The following DZIP1L variants were observed in gnomAD, a reference collection of about 807,000 sequenced individuals.
DZIP1L encodes DAZ interacting zinc finger protein 1 like, also known as cilium assembly protein DZIP1L.
A neutral mutation model predicts 88.7 loss-of-function variants in DZIP1L; 90 were observed. The ratio of observed to expected loss-of-function variants is 1.02; its 90% CI spans 0.86 to 1.21. The LOEUF is 1.21. DZIP1L is among the 50% of genes most tolerant of loss of function. DZIP1L has a pLI of 0.00. For missense variants in DZIP1L, 932 were observed against 955.8 expected, an observed-to-expected ratio of 0.98 and a Z score of 0.33; for synonymous variants, 363 against 372.1, an observed-to-expected ratio of 0.98 and a Z score of 0.28.
At chr3:138,095,444 CTG>C (rs1385548483) in intron 3 of DZIP1L, among the ~76,000 whole-genome samples, 1 of 21,798 alleles carries the variant, frequency 4.6e-5, no homozygotes, top group African/African-American at 9.6e-5. Context: ...TAATAAAAAT[CTG>C]TAGTTTTAAG....
Position 138,067,676 on chromosome 3 carries a change from C to T in DZIP1L, c.1857G>A (p.Glu619=), listed in dbSNP as rs754211380. 1.9e-6 allele frequency: 3 copies of T among 1,593,394 alleles called. No homozygotes were observed. Among genetic ancestry groups the T allele is most frequent in the Non-Finnish European group, 2.6e-6 (3 of 1,170,536 alleles). Residue 619 remains glutamate (E), a synonymous_variant, in exon 14 of 16, where the codon GAG becomes GAA. Coordinates refer to ENST00000327532, the MANE Select transcript of DZIP1L (RefSeq NM_173543.3). The stretch of plus-strand genomic sequence containing the variant: ...GCTGCACACGGTCTCCCTCTGAGTC[C>T]TCTTCAGAACTGAACGGGGGCGTGC... ...GMSTPPFSSE[E]DSEGDRVQRV...
intron 14 of DZIP1L, among the ~76,000 whole-genome samples, chr3:138,065,248 C>T (rs1433156376): frequency 6.6e-6 from 1 of 152,190 alleles, no homozygotes; most frequent in Non-Finnish European, 1.5e-5. Flanking sequence ...ATCCCTGATG[C>T]CTGGCACACC....
chr3:138,068,362 T>G lies in DZIP1L; in HGVS notation c.1621A>C (p.Ser541Arg), dbSNP rs760762911. 2 of 1,500,550 alleles carry G rather than the reference T, an allele frequency of 1.3e-6. No individual in the cohort carries two copies. Among genetic ancestry groups the G allele is most frequent in the South Asian group, 2.7e-5 (2 of 75,196 alleles). 93.0% of individuals were successfully genotyped at this position (1,500,550 alleles called of 1,614,324 possible). Residue 541 changes from serine to arginine, a missense_variant, in exon 13 of 16, where the codon AGC becomes CGC. Coordinates refer to ENST00000327532, the MANE Select transcript of DZIP1L (RefSeq NM_173543.3). ...CTGGTGACCAGTGTGCTCTGCTGGC[T>G]TTTGACTGGAAACACAGAAAGGAAT... is the stretch of plus-strand genomic sequence containing the variant. ...SQPDGQPSVK[S>R]QQSTLVTREA...
At chr3:138,087,508 A>G (rs1208232780) in intron 6 of DZIP1L, among the ~76,000 whole-genome samples, 1 of 152,252 alleles carries the variant, frequency 6.6e-6, no homozygotes, top group Non-Finnish European at 1.5e-5. Flanking sequence ...GAAAATAACC[A>G]CAACTAGAAC....
intron 1 of DZIP1L, among the ~76,000 whole-genome samples, chr3:138,109,018 G>A (rs1433317675): frequency 1.3e-5 from 2 of 152,196 alleles, no homozygotes; most frequent in African/African-American, 2.4e-5. Context: ...TGGCAAACCT[G>A]AGAGTGCAGG....
chr3:138,106,909 A>G (rs1306835486), intron 1 of DZIP1L, among the ~76,000 whole-genome samples: 1 of 151,328 alleles, frequency 6.6e-6, no homozygotes, highest in African/African-American at 2.4e-5. Context: ...AAGGGCCTCC[A>G]GGAACAGCCC....
At chr3:138,103,291 CTAA>C (rs1006133224) in intron 2 of DZIP1L, among the ~76,000 whole-genome samples, 177 bp downstream of exon 2, 3 of 152,068 alleles carry the variant, frequency 2.0e-5, no homozygotes, top group African/African-American at 7.2e-5. Context: ...ACTGTAGAAC[CTAA>C]TGAGACACCC....
rs1217391231 is a variant in DZIP1L, at chr3:138,062,235, C to T, written c.*581G>A. ...TCACCCAGGCTGGGATAGATGGCCT[C>T]TCATATGCTCCCCATAACACCCTGT... On this transcript the variant is annotated 3_prime_UTR_variant, in exon 16 of 16. Coordinates refer to ENST00000327532, the MANE Select transcript of DZIP1L (RefSeq NM_173543.3). The T allele has an allele frequency of 1.3e-5, 2 of 152,492 alleles. No individual in the cohort carries two copies. The highest frequency in any genetic ancestry group is 4.8e-5 in the African/African-American group (2 of 41,424). 9.4% of individuals were successfully genotyped at this position (152,492 alleles called of 1,614,324 possible). A position where few individuals can be genotyped will look rare whatever the true frequency, so the allele number is the denominator to read the frequency against.
chr3:138,098,754 C>A (rs1481418642), intron 2 of DZIP1L, among the ~76,000 whole-genome samples: 3 of 152,138 alleles, frequency 2.0e-5, no homozygotes, highest in Non-Finnish European at 4.4e-5. Context: ...AGGGTTCTGA[C>A]CCTTTTAATC....
chr3:138,112,024 G>A (rs2107873617), intron 1 of DZIP1L, among the ~76,000 whole-genome samples: 1 of 151,610 alleles, frequency 6.6e-6, no homozygotes, highest in East Asian at 1.9e-4. Flanking sequence ...AAAAGATGGA[G>A]CAGAACTGTG....
chr3:138,111,117 G>A (rs1052044182), intron 1 of DZIP1L, among the ~76,000 whole-genome samples: 8 of 152,158 alleles, frequency 5.3e-5, no homozygotes, highest in African/African-American at 1.2e-4. Context: ...TGGCTTATTC[G>A]TATCTGCTGT....
At chr3:138,074,126 A>G (rs1269378168) in intron 11 of DZIP1L, among the ~76,000 whole-genome samples, 1 of 152,240 alleles carries the variant, frequency 6.6e-6, no homozygotes, top group Non-Finnish European at 1.5e-5. Context: ...AAAAGCTTGA[A>G]AACATCTTCG....
rs148073431 is a variant in DZIP1L at position 138,084,237 on chromosome 3, T to C, written c.1079A>G (p.Gln360Arg). The change falls in exon 8 of 16, where the codon CAG becomes CGG. Residue 360 changes from glutamine to arginine, a missense_variant. By Grantham distance (43) the Gln-to-Arg change is conservative. Coordinates refer to ENST00000327532, the MANE Select transcript of DZIP1L (RefSeq NM_173543.3). ...AEKKELQEENQRLQASLSQDQ... is the reference protein window; with the variant it reads ...AEKKELQEENRRLQASLSQDQ... ...CTGAGACAGGGAGGCCTGGAGCCTC[T>C]GGTTCTCCTCCTGTAGCTGGCAGGC... is the stretch of plus-strand genomic sequence containing the variant. 495 of 1,614,028 alleles carry C rather than the reference T, an allele frequency of 3.1e-4. 1 individual carries two copies. In the Admixed American group the frequency reaches 5.6e-3, roughly 18 times the overall value.
At chr3:138,080,250 T>A in intron 10 of DZIP1L, 1 of 246,246 alleles carries the variant, frequency 4.1e-6, no homozygotes, top group Non-Finnish European at 8.2e-6. Context: ...CAGGTGAGAG[T>A]CAGTAGGGCA....
chr3:138,067,397 C>G (rs1471098231), intron 14 of DZIP1L, 134 bp downstream of exon 14: 1 of 1,056,186 alleles, frequency 9.5e-7, no homozygotes, highest in Admixed American at 3.5e-5. Context: ...CCTTTCCAAG[C>G]CAAATAGAGA....
At chr3:138,114,318 C>T (rs979874082) in intron 1 of DZIP1L, among the ~76,000 whole-genome samples, 1 of 152,220 alleles carries the variant, frequency 6.6e-6, no homozygotes, top group Admixed American at 6.5e-5. Flanking sequence ...ATGGTGCCCA[C>T]ATGAACTCAG....
chr3:138,080,390 C>A (rs903733242), intron 10 of DZIP1L, 177 bp downstream of exon 10: 1 of 579,288 alleles, frequency 1.7e-6, no homozygotes, highest in South Asian at 2.2e-5. Flanking sequence ...ATGTTAGTAC[C>A]TGCATGTCAC....
intron 10 of DZIP1L, among the ~76,000 whole-genome samples, chr3:138,079,178 C>G (rs573918775): frequency 1.3e-5 from 2 of 152,342 alleles, no homozygotes; most frequent in Non-Finnish European, 2.9e-5. Flanking sequence ...TCCACTGTAA[C>G]AGCAGGGGCA....
intron 12 of DZIP1L, chr3:138,069,311 T>C: frequency 2.2e-6 from 1 of 451,172 alleles, no homozygotes; most frequent in Non-Finnish European, 3.9e-6. Context: ...ATACAGCTTA[T>C]AATTCATATA....
Sources: gnomAD v4.1 joint callset for allele counts (sites outside exome capture counted in the v4.1 genomes callset) on GRCh38, gnomAD v4.1.1 for gene constraint, MANE v1.5 for transcripts, NCBI Gene and HGNC (gene_info 2026-07-23, HGNC 2026-07-21) for gene names.